The following KDM4C variants were observed in gnomAD, a reference collection of about 807,000 sequenced individuals.
KDM4C encodes the protein lysine demethylase 4C, also known as lysine-specific demethylase 4C.
In KDM4C, 81 loss-of-function variants were observed where a neutral mutation model predicts 129.3. The observed-to-expected ratio is 0.63, with a 90% confidence interval of 0.52 to 0.75. The LOEUF (loss-of-function observed/expected upper bound fraction) is 0.75. Ranked by LOEUF, KDM4C falls within the 30% of genes least tolerant of loss-of-function variation. KDM4C has a pLI of 0.00. For synonymous variants in KDM4C, 573 were observed against 456.1 expected, an observed-to-expected ratio of 1.26 and a Z score of -3.26; for missense variants, 1,457 against 1,304.0, an observed-to-expected ratio of 1.12 and a Z score of -1.81.
chr9:6,867,660 G>C (rs927047374), intron 5 of KDM4C, among the ~76,000 whole-genome samples: 6 of 152,136 alleles, frequency 3.9e-5, no homozygotes, highest in African/African-American at 7.2e-5. Context: ...TCTATGTTTG[G>C]TAATTTATGA....
intron 1 of KDM4C, among the ~76,000 whole-genome samples, chr9:6,789,539 AT>A (rs950538315): frequency 1.8e-4 from 26 of 148,008 alleles, no homozygotes; most frequent in Admixed American, 1.0e-3. Context: ...AAATTTTTAT[AT>A]TTTTTTTTAG....
At chr9:6,927,137 A>G (rs572746178) in intron 8 of KDM4C, among the ~76,000 whole-genome samples, 82 of 143,192 alleles carry the variant, frequency 5.7e-4, no homozygotes, top group African/African-American at 2.0e-3. Context: ...CTATCTATCT[A>G]TCTGTTTTTT....
At chr9:6,836,014 A>G (rs764673675) in intron 4 of KDM4C, among the ~76,000 whole-genome samples, 2 of 152,086 alleles carry the variant, frequency 1.3e-5, no homozygotes, top group Non-Finnish European at 2.9e-5. Context: ...AGTTTGTTTT[A>G]TTTTGAATGA....
intron 1 of KDM4C, among the ~76,000 whole-genome samples, chr9:6,761,559 G>C (rs1452740232): frequency 2.0e-5 from 3 of 151,854 alleles, no homozygotes; most frequent in Non-Finnish European, 2.9e-5. Context: ...GGCTCAAGCA[G>C]TCCGCTTGCC....
At chr9:6,853,492 C>G (rs918222232) in intron 5 of KDM4C, among the ~76,000 whole-genome samples, 1 of 151,826 alleles carries the variant, frequency 6.6e-6, no homozygotes, top group Non-Finnish European at 1.5e-5. Context: ...GACACTGTCT[C>G]AAAGAATAAA....
chr9:6,728,407 G>A (rs193274325), intron 1 of KDM4C, among the ~76,000 whole-genome samples: 10 of 152,074 alleles, frequency 6.6e-5, no homozygotes, highest in Middle Eastern at 3.4e-3. Flanking sequence ...AGTGGAACGC[G>A]CCTGAAATCC....
Position 6,986,615 on chromosome 9 carries a change from G to A in KDM4C, c.1626G>A (p.Gly542=), listed in dbSNP as rs1034992400. Reference sequence around the variant, plus strand: ...GCCATGGGAATGGCCTTGAACCTGGGGAAATCCCAGCGGTCCCCAGTGGAG... The same window carrying A: ...GCCATGGGAATGGCCTTGAACCTGGAGAAATCCCAGCGGTCCCCAGTGGAG... The part of the protein sequence containing the change: ...VESHGNGLEP[G]EIPAVPSGER... Residue 542 remains glycine, a synonymous_variant, in exon 11 of 22, where the codon GGG becomes GGA. Transcript: ENST00000381309. The A allele has an allele frequency of 6.2e-7, 1 of 1,613,890 alleles. No homozygotes were observed. The highest frequency in any genetic ancestry group is 8.5e-7 in the Non-Finnish European group (1 of 1,179,846).
intron 8 of KDM4C, among the ~76,000 whole-genome samples, chr9:6,943,336 CTT>C (rs1394935175): frequency 6.6e-6 from 1 of 152,090 alleles, no homozygotes; most frequent in East Asian, 1.9e-4. Context: ...ATTTGTAAGT[CTT>C]TTGAAGTCAT....
intron 4 of KDM4C, among the ~76,000 whole-genome samples, chr9:6,829,758 A>G (rs145588885): frequency 6.6e-6 from 1 of 152,170 alleles, no homozygotes; most frequent in Non-Finnish European, 1.5e-5. Flanking sequence ...TCAGAAGGGC[A>G]TTTCCCCTGC....
chr9:6,734,260 A>T (rs981697259), intron 1 of KDM4C, among the ~76,000 whole-genome samples: 1 of 144,278 alleles, frequency 6.9e-6, no homozygotes. Context: ...ATGAAAAAGG[A>T]GTGGAAAGTT....
At chr9:7,159,879 G>T (rs1264653302) in intron 19 of KDM4C, among the ~76,000 whole-genome samples, 1 of 152,018 alleles carries the variant, frequency 6.6e-6, no homozygotes, top group South Asian at 2.1e-4. Flanking sequence ...TGTTGGACTC[G>T]CTTGCTAGGT....
chr9:6,814,595 A>C, intron 3 of KDM4C, 36 bp from the exon 4 acceptor site: 1 of 1,318,760 alleles, frequency 7.6e-7, no homozygotes, highest in Non-Finnish European at 1.1e-6. Flanking sequence ...AAACTGACTT[A>C]CTGGTTTGTA....
intron 19 of KDM4C, among the ~76,000 whole-genome samples, chr9:7,161,646 C>A (rs936497549): frequency 1.3e-5 from 2 of 152,164 alleles, no homozygotes; most frequent in African/African-American, 4.8e-5. Context: ...CGTGTGGGTG[C>A]AATGCCCTCT....
chr9:6,744,342 G>T (rs1483552369), intron 1 of KDM4C, among the ~76,000 whole-genome samples: 1 of 152,024 alleles, frequency 6.6e-6, no homozygotes, highest in Non-Finnish European at 1.5e-5. Context: ...TGGCTAACAT[G>T]GTGAAACCGC....
chr9:7,061,258 A>C (rs1831625106), intron 17 of KDM4C, among the ~76,000 whole-genome samples: 1 of 152,178 alleles, frequency 6.6e-6, no homozygotes, highest in African/African-American at 2.4e-5. Context: ...CAATTTATTC[A>C]TAGTTGAGCC....
chr9:7,107,168 A>G (rs1161380686), intron 18 of KDM4C, among the ~76,000 whole-genome samples: 1 of 152,200 alleles, frequency 6.6e-6, no homozygotes, highest in Non-Finnish European at 1.5e-5. Flanking sequence ...TGTCCGCTTC[A>G]CCACCCTGTG....
chr9:6,868,572 T>C (rs1842393471), intron 5 of KDM4C, among the ~76,000 whole-genome samples: 1 of 152,216 alleles, frequency 6.6e-6, no homozygotes, highest in Non-Finnish European at 1.5e-5. Context: ...ACATCATTTC[T>C]AGATTACTTG....
chr9:7,049,877 A>G (rs182314989), intron 17 of KDM4C, among the ~76,000 whole-genome samples: 36 of 152,274 alleles, frequency 2.4e-4, no homozygotes, highest in African/African-American at 7.2e-4. Flanking sequence ...ATACCTAATT[A>G]GAACTTTCCC....
At chr9:6,989,277 C>G (rs1818308145) in intron 11 of KDM4C, among the ~76,000 whole-genome samples, 1 of 152,198 alleles carries the variant, frequency 6.6e-6, no homozygotes, top group Non-Finnish European at 1.5e-5. Flanking sequence ...TATCTGGCCA[C>G]TGCTTCTTCA....
Sources: allele counts gnomAD v4.1 joint callset (sites outside exome capture counted in the v4.1 genomes callset), GRCh38; gene constraint gnomAD v4.1.1; transcripts MANE v1.5; gene names NCBI Gene and HGNC (gene_info 2026-07-23, HGNC 2026-07-21).